Variants in FBLN2 observed in about 807,000 individuals in gnomAD.
FBLN2 encodes fibulin 2, also known as fibulin-2.
In FBLN2, 81 loss-of-function variants were observed where a neutral mutation model predicts 123.7. That is an observed-to-expected ratio of 0.65 (90% CI 0.55 to 0.79). The LOEUF is 0.79. Ranked by LOEUF, FBLN2 falls within the 30% of genes least tolerant of loss-of-function variation. The pLI is 0.00. For synonymous variants in FBLN2, 699 were observed against 701.4 expected (o/e 1.00, Z 0.05); for missense variants, 1,603 against 1,681.3 (o/e 0.95, Z 0.81).
chr3:13,555,206 C>A (rs914165794), intron 1 of FBLN2, among the ~76,000 whole-genome samples: 4 of 152,068 alleles, frequency 2.6e-5, no homozygotes, highest in African/African-American at 4.8e-5. Flanking sequence ...CCTGTCTTGG[C>A]CTCCCAAAGT....
chr3:13,629,903 G>C lies in FBLN2; in HGVS notation c.2926G>C (p.Ala976Pro). 1 of 1,607,824 alleles carries C rather than the reference G, an allele frequency of 6.2e-7. No homozygotes were observed. The highest frequency in any genetic ancestry group is 1.3e-5 in the African/African-American group (1 of 74,946). The stretch of plus-strand genomic sequence containing the variant: ...ACTCGGCTCCTACCGCTGTTCCTGC[G>C]CCTCCGGGTTCCTGCTAGCAGCGGA... ...NTLGSYRCSC[A>P]SGFLLAADGK... Residue 976 changes from alanine to proline, a missense_variant, in exon 14 of 18, where the codon GCC becomes CCC. By Grantham distance (27) the Ala-to-Pro change is conservative (BLOSUM62 -1). Transcript: ENST00000404922.
chr3:13,574,295 C>T (rs566546248), intron 2 of FBLN2, among the ~76,000 whole-genome samples: 40 of 152,338 alleles, frequency 2.6e-4, no homozygotes, highest in South Asian at 1.7e-3. Context: ...TGCTGAGAGG[C>T]CTTCTGCAGG....
At chr3:13,596,926 G>GTTTA (rs113512547) in intron 2 of FBLN2, among the ~76,000 whole-genome samples, 60 of 151,100 alleles carry the variant, frequency 4.0e-4, no homozygotes, top group South Asian at 1.5e-3. Context: ...AAATAAATTT[G>GTTTA]TTTATTTATT....
At position 13,608,273 on chromosome 3, in the gene FBLN2, A is replaced by C. The variant is rs565768951; in HGVS notation, c.1418+100A>C. 45 of 785,416 alleles carry C rather than the reference A, an allele frequency of 5.7e-5. No homozygotes were observed. The East Asian group carries it at 1.2e-3, about 20-fold the overall frequency. The allele number at this position is 785,416 out of a possible 1,614,324, so 48.7% of individuals were successfully genotyped here. A position where few individuals can be genotyped will look rare whatever the true frequency, so the allele number is the denominator to read the frequency against. Reference sequence around the variant, plus strand: ...GCTCCAGGCAGCCCGGAGAGAGTGCACCTTCACATGCCTCTGGGGCATGAG... The same window carrying C: ...GCTCCAGGCAGCCCGGAGAGAGTGCCCCTTCACATGCCTCTGGGGCATGAG... On this transcript the variant is annotated intron_variant, in intron 3 of 17. Transcript: ENST00000404922.
chr3:13,618,492 C>T (rs771141875), intron 6 of FBLN2, among the ~76,000 whole-genome samples: 10 of 152,228 alleles, frequency 6.6e-5, no homozygotes, highest in Non-Finnish European at 1.3e-4. Context: ...TCTGCAGGGA[C>T]CTGGCCCCAG....
intron 4 of FBLN2, among the ~76,000 whole-genome samples, chr3:13,612,294 C>CCTTCCTTT (rs1553620958): frequency 3.4e-5 from 4 of 117,284 alleles, no homozygotes; most frequent in African/African-American, 1.6e-4. Context: ...CTTTTATTTT[C>CCTTCCTTT]CTTTCTTTCT....
chr3:13,563,295 A>G (rs887301970), intron 1 of FBLN2, among the ~76,000 whole-genome samples: 40 of 152,290 alleles, frequency 2.6e-4, no homozygotes, highest in African/African-American at 9.1e-4. Context: ...GGAGGTGCAC[A>G]TGTCTCCCAG....
Position 13,618,913 on chromosome 3 carries a change from C to T in FBLN2, c.1949C>T (p.Pro650Leu). 1 of 1,612,626 alleles carries T rather than the reference C, an allele frequency of 6.2e-7. No individual in the cohort carries two copies. Among genetic ancestry groups the T allele is most frequent in the Non-Finnish European group, 8.5e-7 (1 of 1,179,436 alleles). The change falls in exon 7 of 18, where the codon CCT becomes CTT. Residue 650 changes from proline to leucine, a missense_variant. Pro to Leu is a moderately conservative substitution (Grantham distance 98). Transcript: ENST00000404922. ...GCTCTACCCATGACAGAGGGTCACC[C>T]TCCACAGCCGGAAGCCCCACAGGAG... ...DGRTCRPEGH[P>L]PQPEAPQEPA...
rs201192415 is a variant in FBLN2, at chr3:13,631,355, G to A, written c.3112G>A (p.Gly1038Ser). The change falls in exon 16 of 18, where the codon GGC (glycine) becomes AGC (serine). Residue 1038 changes from glycine (G) to serine (S), a missense_variant. By Grantham distance (56) the Gly-to-Ser change is moderately conservative (BLOSUM62 0). Transcript: ENST00000404922. ...TDIDECAQGA[G>S]ILCTFRCLNV... ...CATCGACGAGTGTGCTCAAGGCGCCGGCATCCTCTGCACCTTCCGCTGTCT... is the reference window on the plus strand; with the variant it reads ...CATCGACGAGTGTGCTCAAGGCGCCAGCATCCTCTGCACCTTCCGCTGTCT... The A allele has an allele frequency of 1.2e-4, 193 of 1,602,854 alleles. 1 individual carries two copies. The East Asian group carries it at 2.6e-3, about 22-fold the overall frequency.
intron 2 of FBLN2, among the ~76,000 whole-genome samples, chr3:13,576,837 C>T (rs948040448): frequency 6.6e-6 from 1 of 152,174 alleles, no homozygotes; most frequent in East Asian, 1.9e-4. Flanking sequence ...TGGTCCCCAC[C>T]CTCACCTCAC....
At chr3:13,569,135 TGGAGGAGGGA>T in intron 1 of FBLN2, 1 of 850,736 alleles carries the variant, frequency 1.2e-6, no homozygotes, top group Non-Finnish European at 1.4e-6. Flanking sequence ...TGGGCCAGGG[TGGAGGAGGGA>T]GGAGGCATGA....
intron 2 of FBLN2, among the ~76,000 whole-genome samples, chr3:13,588,619 G>A (rs1307579299): frequency 3.9e-5 from 6 of 152,174 alleles, no homozygotes; most frequent in Admixed American, 1.3e-4. Context: ...ACGCCTCCCC[G>A]GCCAGCACGG....
chr3:13,555,518 C>G (rs988320284), intron 1 of FBLN2, among the ~76,000 whole-genome samples: 2 of 151,692 alleles, frequency 1.3e-5, no homozygotes, highest in Non-Finnish European at 1.5e-5. Context: ...GCAGTGGCGC[C>G]ATCTCGGCTC....
chr3:13,572,129 A>T (rs899959258), intron 2 of FBLN2, among the ~76,000 whole-genome samples: 1 of 152,238 alleles, frequency 6.6e-6, no homozygotes, highest in African/African-American at 2.4e-5. Context: ...AGAAAGCTGA[A>T]TTTTATGTGA....
intron 2 of FBLN2, among the ~76,000 whole-genome samples, chr3:13,601,544 A>G (rs1705032895): frequency 6.6e-6 from 1 of 152,178 alleles, no homozygotes; most frequent in African/African-American, 2.4e-5. Flanking sequence ...GACATGTCTG[A>G]GCCATGTTCC....
chr3:13,608,087 T>TTGC lies in FBLN2; in HGVS notation c.1336_1338dup (p.Cys446dup). The TTGC allele has an allele frequency of 6.3e-7, 1 of 1,590,784 alleles. No individual in the cohort carries two copies. The highest frequency in any genetic ancestry group is 8.6e-7 in the Non-Finnish European group (1 of 1,168,818). On this transcript the variant is annotated inframe_insertion, in exon 3 of 18. Transcript: ENST00000404922. ...GCTCCACCAAGGACCTGATCGAGAC[T>TTGC]TGCTGCGCAGCCGGACAGCAGTGGG...
intron 17 of FBLN2, among the ~76,000 whole-genome samples, 175 bp downstream of exon 17, chr3:13,636,743 C>A (rs188117701): frequency 2.0e-5 from 3 of 152,194 alleles, no homozygotes; most frequent in African/African-American, 7.2e-5. Context: ...TTAGAGAGTT[C>A]AGGGTTGAGA....
At chr3:13,619,648 T>C (rs1351827947) in intron 7 of FBLN2, 82 bp from the exon 8 acceptor site, 1 of 1,171,876 alleles carries the variant, frequency 8.5e-7, no homozygotes, top group African/African-American at 1.5e-5. Context: ...CACTAGTAGG[T>C]TAGAGCCAGG....
At chr3:13,631,202 G>A in intron 15 of FBLN2, 127 bp from the exon 16 acceptor site, 1 of 1,208,702 alleles carries the variant, frequency 8.3e-7, no homozygotes. Context: ...TACTCTCTCA[G>A]TCCACTTGTC....
Sources: allele counts gnomAD v4.1 joint callset (sites outside exome capture counted in the v4.1 genomes callset), GRCh38; gene constraint gnomAD v4.1.1; transcripts MANE v1.5; gene names NCBI Gene and HGNC (gene_info 2026-07-23, HGNC 2026-07-21).